The following GATB variants were observed in gnomAD, a reference collection of about 807,000 sequenced individuals.
GATB encodes the protein glutamyl-tRNA(Gln) amidotransferase subunit B, mitochondrial.
GATB carries 39 observed loss-of-function variants against 62.3 expected under a neutral mutation model. The ratio of observed to expected loss-of-function variants is 0.63; its 90% CI spans 0.48 to 0.82. The LOEUF (loss-of-function observed/expected upper bound fraction) is 0.82, where lower values mean the gene tolerates loss of function less well. Among genes scored for constraint, GATB ranks in the 40% least tolerant of loss-of-function variants. The probability of loss-of-function intolerance (pLI) is 0.00; values close to 1 mark genes in which losing one functional copy is unlikely to be tolerated. For missense variants in GATB, 670 were observed against 684.0 expected (o/e 0.98, Z 0.23); for synonymous variants, 276 against 258.9 (o/e 1.07, Z -0.63).
chr4:151,695,455 G>C (rs886881673), intron 9 of GATB, among the ~76,000 whole-genome samples: 2 of 152,146 alleles, frequency 1.3e-5, no homozygotes, highest in African/African-American at 2.4e-5. Flanking sequence ...GCTCTGGAGA[G>C]ACATGGAAAA....
At chr4:151,759,685 T>C (rs1739911553) in intron 1 of GATB, among the ~76,000 whole-genome samples, 1 of 152,194 alleles carries the variant, frequency 6.6e-6, no homozygotes, top group Non-Finnish European at 1.5e-5. Context: ...CCTACTCTGT[T>C]GGGTCTGTAC....
chr4:151,712,270 GA>G (rs1022051047), intron 5 of GATB, among the ~76,000 whole-genome samples: 1 of 152,162 alleles, frequency 6.6e-6, no homozygotes, highest in Non-Finnish European at 1.5e-5. Flanking sequence ...GCTATCTAGT[GA>G]AGACAAAATA....
At chr4:151,754,977 A>G (rs1188968159) in intron 2 of GATB, among the ~76,000 whole-genome samples, 1 of 152,234 alleles carries the variant, frequency 6.6e-6, no homozygotes, top group African/African-American at 2.4e-5. Flanking sequence ...ACAATAACTC[A>G]GGAGAGCCTT....
At chr4:151,685,504 T>C (rs1039345489) in intron 10 of GATB, among the ~76,000 whole-genome samples, 11 of 152,144 alleles carry the variant, frequency 7.2e-5, no homozygotes, top group African/African-American at 2.7e-4. Flanking sequence ...TTGGCCTCTT[T>C]CCACCCTCTG....
chr4:151,712,568 G>A (rs893146569), intron 5 of GATB, among the ~76,000 whole-genome samples: 1 of 152,148 alleles, frequency 6.6e-6, no homozygotes, highest in African/African-American at 2.4e-5. Flanking sequence ...GCAAACAGCA[G>A]GGGCCCAAAG....
At chr4:151,716,239 G>T in intron 4 of GATB, 108 bp from the exon 5 acceptor site, 3 of 1,143,900 alleles carry the variant, frequency 2.6e-6, no homozygotes, top group Non-Finnish European at 3.6e-6. Flanking sequence ...GACTCTCAGA[G>T]TGGTTCTAGC....
At chr4:151,729,571 G>C (rs1739202357) in intron 2 of GATB, among the ~76,000 whole-genome samples, 2 of 152,124 alleles carry the variant, frequency 1.3e-5, no homozygotes, top group South Asian at 4.1e-4. Context: ...AAGATATTTA[G>C]AGAGGAAGTG....
intron 11 of GATB, chr4:151,673,844 C>T (rs1303351042): frequency 6.6e-6 from 1 of 152,244 alleles, no homozygotes; most frequent in African/African-American, 2.4e-5. Context: ...GAACACCCAA[C>T]TTTCCCTGTT....
intron 1 of GATB, among the ~76,000 whole-genome samples, 192 bp from the exon 2 acceptor site, chr4:151,759,114 T>C (rs570149817): frequency 1.3e-5 from 2 of 152,314 alleles, no homozygotes; most frequent in East Asian, 3.9e-4. Context: ...GCGCCTACAC[T>C]GAGATTGGCA....
chr4:151,749,596 C>A (rs1237822572), intron 2 of GATB, among the ~76,000 whole-genome samples: 1 of 151,674 alleles, frequency 6.6e-6, no homozygotes, highest in African/African-American at 2.4e-5. Flanking sequence ...ATGTAACAAA[C>A]CTGCACGTTG....
At chr4:151,743,243 G>A (rs1312039213) in intron 2 of GATB, among the ~76,000 whole-genome samples, 2 of 152,212 alleles carry the variant, frequency 1.3e-5, no homozygotes, top group African/African-American at 4.8e-5. Context: ...TTCATGGTGA[G>A]TCTGGGGAAA....
intron 10 of GATB, among the ~76,000 whole-genome samples, chr4:151,685,742 C>T (rs537454720): frequency 8.5e-5 from 13 of 152,182 alleles, no homozygotes; most frequent in African/African-American, 2.7e-4. Flanking sequence ...AGAGGCCAAA[C>T]CCGGGAGGAC....
intron 5 of GATB, among the ~76,000 whole-genome samples, chr4:151,715,577 T>C (rs1229717438): frequency 6.6e-6 from 1 of 152,198 alleles, no homozygotes; most frequent in Non-Finnish European, 1.5e-5. Context: ...TCAATATAAT[T>C]TGGCTTCCGC....
intron 4 of GATB, 70 bp downstream of exon 4, chr4:151,716,806 G>T (rs1396763535): frequency 7.1e-7 from 1 of 1,416,932 alleles, no homozygotes; most frequent in Non-Finnish European, 9.9e-7. Context: ...AACTCTAGCG[G>T]TGAAAAGAGG....
intron 10 of GATB, among the ~76,000 whole-genome samples, chr4:151,684,527 G>A (rs1265476166): frequency 1.3e-5 from 2 of 152,234 alleles, no homozygotes; most frequent in East Asian, 1.9e-4. Context: ...ATCATTGTGA[G>A]ACTATAGCTA....
At chr4:151,726,861 C>T (rs1015152687) in intron 2 of GATB, among the ~76,000 whole-genome samples, 4 of 152,154 alleles carry the variant, frequency 2.6e-5, no homozygotes, top group South Asian at 2.1e-4. Flanking sequence ...CAGGAGGCCA[C>T]GGTCACCATG....
At chr4:151,678,400 CCTT>C (rs1271305514) in intron 11 of GATB, among the ~76,000 whole-genome samples, 2 of 151,964 alleles carry the variant, frequency 1.3e-5, no homozygotes, top group Admixed American at 6.6e-5. Flanking sequence ...AAGGTTTTTC[CCTT>C]CTTTCATTTC....
chr4:151,672,845 A>T lies in GATB; in HGVS notation c.1462T>A (p.Ser488Thr). The T allele has an allele frequency of 6.2e-7, 1 of 1,614,174 alleles. No homozygotes were observed. ...TGCATCAGTTCAAGCTGCTTTTCTG[A>T]AACAATCTGCCCTGGAGTCTTGCCT... ...REGKTPGQIV[S>T]EKQLELMQDQ... Residue 488 changes from serine (S) to threonine (T), a missense_variant, in exon 12 of 13, where the codon TCA (serine) becomes ACA (threonine). Transcript: ENST00000263985.
rs530140880 is a variant in GATB at position 151,683,979 on chromosome 4, C to T, written c.1332-4088G>A. On this transcript the variant is annotated intron_variant, in intron 10 of 12. Transcript: ENST00000263985. ...TATTACCAGATCCTAGTGATCCTTC[C>T]AAACATGAAATACGGCCATCCTGCC... is the stretch of plus-strand genomic sequence containing the variant. Among the ~76,000 whole-genome samples the T allele has an allele frequency of 2.0e-5, 3 of 152,338 alleles. No homozygotes were observed. In the East Asian group the frequency reaches 5.8e-4, roughly 29 times the overall value.
Sources: gnomAD v4.1 joint callset for allele counts (sites outside exome capture counted in the v4.1 genomes callset) on GRCh38, gnomAD v4.1.1 for gene constraint, MANE v1.5 for transcripts, NCBI Gene and HGNC (gene_info 2026-07-23, HGNC 2026-07-21) for gene names.